MED27: variants seen among roughly 807,000 people sequenced by gnomAD.
MED27 encodes the protein mediator complex subunit 27, also known as mediator of RNA polymerase II transcription subunit 27.
Under a neutral mutation model 38.2 loss-of-function variants are expected in MED27, and 30 were observed. The observed-to-expected ratio is 0.79, with a 90% confidence interval of 0.59 to 1.07. The LOEUF (loss-of-function observed/expected upper bound fraction) is 1.07. MED27 is among the 50% of genes least tolerant of loss of function. The pLI is 0.00. For missense variants in MED27, 289 were observed against 397.5 expected, an observed-to-expected ratio of 0.73 and a Z score of 2.32; for synonymous variants, 122 against 153.5, an observed-to-expected ratio of 0.79 and a Z score of 1.52.
intron 4 of MED27, among the ~76,000 whole-genome samples, chr9:131,930,507 T>C (rs1399562860): frequency 1.3e-5 from 2 of 152,176 alleles, no homozygotes; most frequent in East Asian, 3.9e-4. Flanking sequence ...TAGAATAGTA[T>C]ATCCTATGAA....
chr9:132,020,678 A>G (rs1042815032), intron 2 of MED27, among the ~76,000 whole-genome samples: 1 of 152,218 alleles, frequency 6.6e-6, no homozygotes, highest in Admixed American at 6.5e-5. Flanking sequence ...TCTTTTGAAC[A>G]TAACTCCAAG....
intron 2 of MED27, among the ~76,000 whole-genome samples, chr9:132,052,956 C>T (rs950036463): frequency 1.3e-5 from 2 of 152,076 alleles, no homozygotes; most frequent in East Asian, 1.9e-4. Flanking sequence ...AAGGTTCCCA[C>T]GAAAGGGCTG....
intron 3 of MED27, among the ~76,000 whole-genome samples, chr9:132,012,828 G>T (rs1021167224): frequency 4.6e-5 from 7 of 152,282 alleles, no homozygotes; most frequent in Middle Eastern, 3.4e-3. Context: ...AACAAAGATG[G>T]GACAATGTCT....
chr9:132,044,956 A>C (rs1201351864), intron 2 of MED27, among the ~76,000 whole-genome samples: 3 of 152,228 alleles, frequency 2.0e-5, no homozygotes, highest in African/African-American at 4.8e-5. Flanking sequence ...GTATGAAATC[A>C]AATCACAGAG....
rs1381524434 is a variant in MED27, at chr9:131,860,694, G to C, written c.802-22C>G. ...AGGTCTAAAAAGAGAAACGAGGAGA[G>C]AAGTGAAAGAATGGGATACGGGTGC... On this transcript the variant is annotated intron_variant, in intron 7 of 7. Coordinates refer to ENST00000292035, the MANE Select transcript of MED27 (RefSeq NM_004269.4). The surrounding 1 kb of genome is among the most constrained non-coding windows in gnomAD (Gnocchi z 5.8). The C allele has an allele frequency of 2.5e-6, 4 of 1,610,766 alleles. No individual in the cohort carries two copies. The highest frequency in any genetic ancestry group is 2.7e-5 in the African/African-American group (2 of 74,876).
chr9:131,923,560 A>G (rs1239078570), intron 4 of MED27, among the ~76,000 whole-genome samples: 4 of 152,158 alleles, frequency 2.6e-5, no homozygotes, highest in Admixed American at 6.5e-5. Context: ...ATACATTTCA[A>G]TTTACTTGTT....
At position 131,882,910 on chromosome 9, in the gene MED27, CT is replaced by C. The variant is rs112709962; in HGVS notation, c.723+1147del. ...ACAGAGCAAAGGGGCTCAGTGGATA[CT>C]TTTTTTTTTTTTTTTGAGATGGAGT... On this transcript the variant is annotated intron_variant, in intron 6 of 7. Transcript: ENST00000292035. 7.2e-3 allele frequency among the ~76,000 whole-genome samples: 1,013 copies of C among 141,660 alleles called. 5 individuals carry two copies. The highest frequency in any genetic ancestry group is 0.043 in the South Asian group (188 of 4,422). The allele number at this position is 141,660 out of a possible 152,430, so 92.9% of individuals were successfully genotyped here.
At chr9:132,002,924 A>AAAAAC (rs1213129357) in intron 3 of MED27, among the ~76,000 whole-genome samples, 7 of 151,246 alleles carry the variant, frequency 4.6e-5, no homozygotes, top group Non-Finnish European at 8.9e-5. Context: ...GTCTCAAAAA[A>AAAAAC]AAAAGAAAAA....
chr9:132,048,790 G>T (rs1833401102), intron 2 of MED27, among the ~76,000 whole-genome samples: 1 of 152,200 alleles, frequency 6.6e-6, no homozygotes, highest in African/African-American at 2.4e-5. Context: ...GCATGCTGGG[G>T]TGTCATGCCA....
intron 6 of MED27, among the ~76,000 whole-genome samples, chr9:131,866,259 G>A (rs769220776): frequency 1.3e-5 from 2 of 152,136 alleles, no homozygotes; most frequent in Non-Finnish European, 2.9e-5. Flanking sequence ...ACCTCCTCTG[G>A]CTGAACTTGA....
chr9:131,992,111 C>T (rs114358846), intron 3 of MED27, among the ~76,000 whole-genome samples: 3,021 of 152,270 alleles, frequency 0.02, 106 homozygotes, highest in African/African-American at 0.068. Context: ...TATTATCCTT[C>T]ATTGCCCAAT....
Position 132,073,502 on chromosome 9 carries a change from T to C in MED27, c.348+3940A>G, listed in dbSNP as rs138722572. On this transcript the variant is annotated intron_variant, in intron 2 of 7. Coordinates refer to ENST00000292035, the MANE Select transcript of MED27 (RefSeq NM_004269.4). ...CCTGAGCCTTATAGTTTACCCTTAATAGAGGACAGAGTCCCTAAAGGAAAG... is the reference window on the plus strand; with the variant it reads ...CCTGAGCCTTATAGTTTACCCTTAACAGAGGACAGAGTCCCTAAAGGAAAG... The C allele has an allele frequency of 1.7e-4, 213 of 1,271,560 alleles. 1 individual carries two copies. In the East Asian group the frequency reaches 5.1e-3, roughly 30 times the overall value. The allele number at this position is 1,271,560 out of a possible 1,614,324, so 78.8% of individuals were successfully genotyped here.
At chr9:131,923,003 TG>T (rs2131554410) in intron 4 of MED27, among the ~76,000 whole-genome samples, 1 of 152,344 alleles carries the variant, frequency 6.6e-6, no homozygotes, top group African/African-American at 2.4e-5. Context: ...TTCCTGCTCC[TG>T]TTCTGGAATC....
chr9:132,068,615 T>A (rs1278288914), intron 2 of MED27, among the ~76,000 whole-genome samples: 1 of 151,334 alleles, frequency 6.6e-6, no homozygotes. Flanking sequence ...TGTCAGAGGG[T>A]GTGAGGGACA....
intron 3 of MED27, among the ~76,000 whole-genome samples, chr9:132,002,324 A>G (rs547718263): frequency 1.7e-4 from 26 of 152,352 alleles, no homozygotes; most frequent in Middle Eastern, 3.4e-3. Context: ...TCATGTTATT[A>G]TTAAGAATTC....
intron 2 of MED27, among the ~76,000 whole-genome samples, chr9:132,043,068 T>C (rs1485349856): frequency 6.6e-6 from 1 of 152,104 alleles, no homozygotes; most frequent in Admixed American, 6.5e-5. Flanking sequence ...TTCCCCAAAA[T>C]TTAAATGACT....
At chr9:132,025,174 T>C (rs1422904388) in intron 2 of MED27, among the ~76,000 whole-genome samples, 1 of 110,094 alleles carries the variant, frequency 9.1e-6, no homozygotes, top group African/African-American at 3.3e-5. Flanking sequence ...AACAACAGAT[T>C]AGAGTGAATT....
chr9:131,901,848 CA>C (rs1829954452), intron 4 of MED27, among the ~76,000 whole-genome samples: 1 of 152,208 alleles, frequency 6.6e-6, no homozygotes. Flanking sequence ...GTCTGCCTAA[CA>C]ACCCGGGATT....
chr9:132,034,470 G>A (rs1206497838), intron 2 of MED27, among the ~76,000 whole-genome samples: 1 of 152,208 alleles, frequency 6.6e-6, no homozygotes, highest in African/African-American at 2.4e-5. Flanking sequence ...CTATTGCAGC[G>A]CTCTGTCCAA....
Sources: gnomAD v4.1 joint callset for allele counts (sites outside exome capture counted in the v4.1 genomes callset) on GRCh38, gnomAD v4.1.1 for gene constraint, Gnocchi (gnomAD v3.1) non-coding constraint, MANE v1.5 for transcripts, NCBI Gene and HGNC (gene_info 2026-07-23, HGNC 2026-07-21) for gene names.